NVL: variants seen among roughly 807,000 people sequenced by gnomAD.
NVL encodes the protein nuclear valosin-containing protein-like.
A neutral mutation model predicts 110.2 loss-of-function variants in NVL; 84 were observed. That is an observed-to-expected ratio of 0.76 (90% CI 0.64 to 0.91). NVL has a LOEUF of 0.91. NVL is among the 40% of genes least tolerant of loss of function. The probability of loss-of-function intolerance (pLI) is 0.00; values close to 1 mark genes in which losing one functional copy is unlikely to be tolerated. For missense variants in NVL, 882 were observed against 1,035.9 expected, an observed-to-expected ratio of 0.85 and a Z score of 2.04; for synonymous variants, 354 against 361.1, an observed-to-expected ratio of 0.98 and a Z score of 0.22.
intron 14 of NVL, among the ~76,000 whole-genome samples, chr1:224,287,483 A>G (rs1666978389): frequency 6.6e-6 from 1 of 152,252 alleles, no homozygotes. Context: ...TGAATATCCC[A>G]ATTACCCTGA....
chr1:224,290,607 C>T (rs993278878), intron 12 of NVL, among the ~76,000 whole-genome samples: 3 of 152,114 alleles, frequency 2.0e-5, no homozygotes, highest in African/African-American at 7.2e-5. Context: ...TCAAGACCAT[C>T]CTGGCTAACA....
At chr1:224,325,650 T>C (rs1671076828) in intron 2 of NVL, among the ~76,000 whole-genome samples, 1 of 152,090 alleles carries the variant, frequency 6.6e-6, no homozygotes. Flanking sequence ...GGAGAATTGC[T>C]TGAACCTGGG....
chr1:224,318,050 T>G, intron 2 of NVL, 120 bp from the exon 3 acceptor site: 3 of 587,786 alleles, frequency 5.1e-6, no homozygotes, highest in East Asian at 3.0e-5. Context: ...TATAGACACT[T>G]GCCATAACCC....
chr1:224,229,213 T>G (rs1289840320), intron 22 of NVL, among the ~76,000 whole-genome samples: 1 of 151,810 alleles, frequency 6.6e-6, no homozygotes, highest in Non-Finnish European at 1.5e-5. Context: ...GGAGAATAGC[T>G]TGAACTCAGG....
chr1:224,316,639 G>T (rs1318625628), intron 4 of NVL, among the ~76,000 whole-genome samples: 2 of 148,234 alleles, frequency 1.3e-5, no homozygotes, highest in African/African-American at 5.0e-5. Flanking sequence ...CTCCAGCCTG[G>T]GTGACAGAGT....
At chr1:224,277,910 T>G (rs1420174746) in intron 16 of NVL, among the ~76,000 whole-genome samples, 3 of 152,214 alleles carry the variant, frequency 2.0e-5, no homozygotes, top group African/African-American at 7.2e-5. Context: ...CTCCATCTTA[T>G]GACCAAGCAC....
chr1:224,329,606 A>G (rs1241018927), intron 1 of NVL, among the ~76,000 whole-genome samples: 1 of 152,234 alleles, frequency 6.6e-6, no homozygotes. Flanking sequence ...AACCGTAGGC[A>G]AAGTGCCTGT....
intron 19 of NVL, among the ~76,000 whole-genome samples, chr1:224,239,548 T>G (rs1458248151): frequency 1.3e-5 from 2 of 152,228 alleles, no homozygotes; most frequent in African/African-American, 4.8e-5. Context: ...TCACATTAAC[T>G]GTACGGATCT....
chr1:224,329,476 T>C (rs10799565), intron 1 of NVL, among the ~76,000 whole-genome samples: 138,862 of 151,876 alleles, frequency 0.91, 63,765 homozygotes, highest in Middle Eastern at 0.98. Context: ...AAGGAGAATG[T>C]GTAGCTCACA....
rs543624741 is a variant in NVL at position 224,243,296 on chromosome 1, C to CA, written c.2290-6715dup. Among the ~76,000 whole-genome samples the CA allele has an allele frequency of 3.9e-3, 434 of 112,222 alleles. 1 individual carries two copies. Among genetic ancestry groups the CA allele is most frequent in the African/African-American group, 8.3e-3 (251 of 30,358 alleles). The allele number at this position is 112,222 out of a possible 152,430, so 73.6% of individuals were successfully genotyped here. On this transcript the variant is annotated intron_variant, in intron 19 of 22. Transcript: ENST00000281701. Reference sequence around the variant, plus strand: ...GCAACATGGTGAAACCCTGTTTCTACAAAAAAAAAAAAAAATTAGCTAGGC... The same window carrying CA: ...GCAACATGGTGAAACCCTGTTTCTACAAAAAAAAAAAAAAAATTAGCTAGGC...
chr1:224,268,294 C>T (rs1664699171), intron 17 of NVL, among the ~76,000 whole-genome samples, 161 bp from the exon 18 acceptor site: 1 of 151,776 alleles, frequency 6.6e-6, no homozygotes, highest in Admixed American at 6.6e-5. Context: ...GTGTTCTCAT[C>T]AGTGGACCTC....
chr1:224,328,067 TC>T (rs568333153), intron 1 of NVL, among the ~76,000 whole-genome samples: 2 of 151,896 alleles, frequency 1.3e-5, no homozygotes, highest in South Asian at 2.1e-4. Flanking sequence ...AGCTCTGATT[TC>T]CCCCCCCTTT....
intron 2 of NVL, among the ~76,000 whole-genome samples, chr1:224,321,110 G>A (rs1670600177): frequency 1.3e-5 from 2 of 152,104 alleles, no homozygotes; most frequent in South Asian, 4.2e-4. Context: ...GAATCAGCGG[G>A]GCATGGTGGC....
chr1:224,254,739 A>G (rs573811795), intron 18 of NVL, among the ~76,000 whole-genome samples: 16 of 150,858 alleles, frequency 1.1e-4, no homozygotes, highest in Non-Finnish European at 1.8e-4. Flanking sequence ...AAATGTGTAT[A>G]CATTGTGGAA....
chr1:224,311,955 A>G, intron 4 of NVL, 98 bp from the exon 5 acceptor site: 1 of 920,420 alleles, frequency 1.1e-6, no homozygotes, highest in South Asian at 1.5e-5. Flanking sequence ...CCAAAAGATT[A>G]TGGTGGTTAA....
chr1:224,314,594 G>C (rs929036901), intron 4 of NVL, among the ~76,000 whole-genome samples: 4 of 152,112 alleles, frequency 2.6e-5, no homozygotes, highest in African/African-American at 9.7e-5. Context: ...GAAGACTCGG[G>C]GGGAAGTTGA....
At chr1:224,280,198 G>A (rs549737647) in intron 16 of NVL, among the ~76,000 whole-genome samples, 84 of 147,720 alleles carry the variant, frequency 5.7e-4, no homozygotes, top group Middle Eastern at 3.4e-3. Flanking sequence ...TTTTTTGCTG[G>A]GTGATAGATA....
intron 8 of NVL, among the ~76,000 whole-genome samples, chr1:224,304,535 T>C (rs1293237738): frequency 6.6e-6 from 1 of 152,114 alleles, no homozygotes; most frequent in Non-Finnish European, 1.5e-5. Context: ...TATACTATAA[T>C]TAAAATAATA....
At chr1:224,251,142 C>T (rs74922158) in intron 18 of NVL, among the ~76,000 whole-genome samples, 1 of 151,300 alleles carries the variant, frequency 6.6e-6, no homozygotes, top group Non-Finnish European at 1.5e-5. Context: ...GGTGTGATGG[C>T]ACACACCTGT....
Sources: allele counts gnomAD v4.1 joint callset (sites outside exome capture counted in the v4.1 genomes callset), GRCh38; gene constraint gnomAD v4.1.1; transcripts MANE v1.5; gene names NCBI Gene and HGNC (gene_info 2026-07-23, HGNC 2026-07-21).